The following FSD1L variants were observed in gnomAD, a reference collection of about 807,000 sequenced individuals.
FSD1L encodes the protein FSD1-like protein.
FSD1L carries 45 observed loss-of-function variants against 71.6 expected under a neutral mutation model. The ratio of observed to expected loss-of-function variants is 0.63; its 90% CI spans 0.49 to 0.81. The LOEUF is 0.81. FSD1L is among the 30% of genes least tolerant of loss of function. The pLI, the probability that FSD1L is intolerant of heterozygous loss-of-function variation, is 0.00. For synonymous variants in FSD1L, 197 were observed against 207.2 expected (o/e 0.95, Z 0.42); for missense variants, 561 against 618.1 (o/e 0.91, Z 0.98).
Position 105,501,568 on chromosome 9 carries a change from G to A in FSD1L, c.587-4831G>A, listed in dbSNP as rs150758847. Among the ~76,000 whole-genome samples the A allele has an allele frequency of 5.5e-3, 825 of 151,336 alleles. 10 individuals are homozygous for A. Among genetic ancestry groups the A allele is most frequent in the African/African-American group, 0.019 (800 of 41,212 alleles). On this transcript the variant is annotated intron_variant, in intron 7 of 13. Transcript: ENST00000481272. ...CTCCTGAGTTGCTAGGACTACAGGT[G>A]CATGCCACCACACCCAGCTAATTTT...
chr9:105,448,700 A>C (rs79184666), intron 1 of FSD1L, among the ~76,000 whole-genome samples: 1,907 of 152,248 alleles, frequency 0.013, 40 homozygotes, highest in African/African-American at 0.044. Context: ...CACGCTCTTT[A>C]GGTCAGGGAC....
At chr9:105,506,679 CTTTAAAGAATAAAGT>C in intron 8 of FSD1L, 71 bp downstream of exon 8, 1 of 1,139,620 alleles carries the variant, frequency 8.8e-7, no homozygotes, top group Non-Finnish European at 1.3e-6. Flanking sequence ...TTTTGAGTTA[CTTTAAAGAATAAAGT>C]TTTAAAGTTT....
chr9:105,521,733 C>A (rs1298323388), intron 10 of FSD1L: 2 of 1,613,140 alleles, frequency 1.2e-6, no homozygotes, highest in South Asian at 1.1e-5. Flanking sequence ...TGATCATGTT[C>A]GAAATTCCAG....
At chr9:105,525,089 C>T (rs2131439071) in intron 10 of FSD1L, 3 of 1,557,372 alleles carry the variant, frequency 1.9e-6, no homozygotes, top group South Asian at 2.5e-5. Flanking sequence ...TTCTGCTATA[C>T]TGTATGGCCC....
chr9:105,494,315 C>T (rs935302261), intron 7 of FSD1L, among the ~76,000 whole-genome samples: 1 of 152,130 alleles, frequency 6.6e-6, no homozygotes, highest in Non-Finnish European at 1.5e-5. Context: ...CTTCTGCATT[C>T]TTCACGTAGT....
At position 105,535,050 on chromosome 9, in the gene FSD1L, T is replaced by C. The variant is rs1836182503; in HGVS notation, c.1127-17T>C. On this transcript the variant is annotated splice_polypyrimidine_tract_variant and intron_variant, in intron 11 of 13. Transcript: ENST00000481272. Reference sequence around the variant, plus strand: ...AAGGAAGAGATGAGTCAAATCTACCTTTCTGATCTTTTGTAGGAGACACTG... The same window carrying C: ...AAGGAAGAGATGAGTCAAATCTACCCTTCTGATCTTTTGTAGGAGACACTG... 6.4e-7 allele frequency: 1 copy of C among 1,551,208 alleles called. No homozygotes were observed. Among genetic ancestry groups the C allele is most frequent in the Admixed American group, 2.0e-5 (1 of 50,982 alleles).
At chr9:105,457,770 T>C (rs1184848354) in intron 1 of FSD1L, among the ~76,000 whole-genome samples, 1 of 152,136 alleles carries the variant, frequency 6.6e-6, no homozygotes, top group Non-Finnish European at 1.5e-5. Flanking sequence ...GTGAGGGGTG[T>C]GTGAGCGAGC....
intron 5 of FSD1L, among the ~76,000 whole-genome samples, chr9:105,473,512 ACTG>A (rs1831606483): frequency 6.6e-6 from 1 of 152,218 alleles, no homozygotes; most frequent in Non-Finnish European, 1.5e-5. Flanking sequence ...TGTACTTGAT[ACTG>A]CTACTATTTT....
At position 105,497,438 on chromosome 9, in the gene FSD1L, G is replaced by A. The variant is rs548287086; in HGVS notation, c.587-8961G>A. ...TTCTGCAAGAGATTGTAGAGAGTTA[G>A]TGTACTTTTGTCCTGAAAAGTATGG... On this transcript the variant is annotated intron_variant, in intron 7 of 13. Coordinates refer to ENST00000481272, the MANE Select transcript of FSD1L (RefSeq NM_001145313.3). 1.6e-4 allele frequency among the ~76,000 whole-genome samples: 24 copies of A among 152,314 alleles called. No individual in the cohort carries two copies. In the South Asian group the frequency reaches 4.4e-3, roughly 28 times the overall value.
intron 5 of FSD1L, 160 bp downstream of exon 5, chr9:105,472,165 A>C (rs1831520287): frequency 1.2e-6 from 1 of 850,042 alleles, no homozygotes; most frequent in Admixed American, 4.2e-5. Context: ...TTTATTCCAA[A>C]GCAAACACTT....
intron 12 of FSD1L, among the ~76,000 whole-genome samples, chr9:105,537,296 A>G (rs921913370): frequency 6.6e-6 from 1 of 152,220 alleles, no homozygotes; most frequent in Non-Finnish European, 1.5e-5. Flanking sequence ...TAATTTACTC[A>G]AAAAAGGAGA....
chr9:105,522,181 A>G, intron 10 of FSD1L: 3 of 1,614,030 alleles, frequency 1.9e-6, no homozygotes, highest in Non-Finnish European at 2.5e-6. Context: ...GAACTTTGGG[A>G]TGACTTACTG....
chr9:105,520,513 A>T, intron 10 of FSD1L: 1 of 1,134,320 alleles, frequency 8.8e-7, no homozygotes, highest in Non-Finnish European at 1.3e-6. Context: ...TATACTTTTT[A>T]TTTTTGAGAA....
At chr9:105,540,096 A>G (rs1323222122) in intron 13 of FSD1L, among the ~76,000 whole-genome samples, 1 of 152,170 alleles carries the variant, frequency 6.6e-6, no homozygotes, top group Non-Finnish European at 1.5e-5. Context: ...CTAATTTACA[A>G]CTAGCAGTAT....
chr9:105,498,517 A>G (rs1833565972), intron 7 of FSD1L, among the ~76,000 whole-genome samples: 1 of 152,136 alleles, frequency 6.6e-6, no homozygotes, highest in Non-Finnish European at 1.5e-5. Flanking sequence ...GTATCTAAAC[A>G]TATCTAAACT....
At chr9:105,544,127 A>T (rs1836817305) in intron 13 of FSD1L, among the ~76,000 whole-genome samples, 1 of 152,188 alleles carries the variant, frequency 6.6e-6, no homozygotes, top group Non-Finnish European at 1.5e-5. Flanking sequence ...TCGCCATTCT[A>T]ACTGGTGTGA....
At chr9:105,531,340 C>G (rs1034945768) in intron 10 of FSD1L, among the ~76,000 whole-genome samples, 1 of 152,186 alleles carries the variant, frequency 6.6e-6, no homozygotes, top group African/African-American at 2.4e-5. Flanking sequence ...TTTACTTTAA[C>G]CTCTCCTCTC....
intron 1 of FSD1L, among the ~76,000 whole-genome samples, chr9:105,449,094 TTAA>T (rs1195697843): frequency 1.3e-5 from 2 of 152,200 alleles, no homozygotes; most frequent in Admixed American, 1.3e-4. Flanking sequence ...ACAAGGAGTA[TTAA>T]TAATGTAGCA....
chr9:105,534,837 A>G (rs1054486499), intron 11 of FSD1L, among the ~76,000 whole-genome samples: 11 of 152,194 alleles, frequency 7.2e-5, no homozygotes, highest in African/African-American at 2.4e-4. Flanking sequence ...GAGGGGGGAT[A>G]GTAAGGAAGA....
Sources: allele counts gnomAD v4.1 joint callset (sites outside exome capture counted in the v4.1 genomes callset), GRCh38; gene constraint gnomAD v4.1.1; transcripts MANE v1.5; gene names NCBI Gene and HGNC (gene_info 2026-07-23, HGNC 2026-07-21).